INPP4A: variants seen among roughly 807,000 people sequenced by gnomAD.
INPP4A encodes inositol polyphosphate-4-phosphatase type I A, also known as inositol polyphosphate-4-phosphatase, type I, 107kD.
A neutral mutation model predicts 119.8 loss-of-function variants in INPP4A; 33 were observed. That is an observed-to-expected ratio of 0.28 (90% CI 0.21 to 0.37). The LOEUF is 0.37. Among genes scored for constraint, INPP4A ranks in the 10% least tolerant of loss-of-function variants. The probability of loss-of-function intolerance (pLI) is 1.00; values close to 1 mark genes in which losing one functional copy is unlikely to be tolerated. For missense variants in INPP4A, 956 were observed against 1,289.9 expected (o/e 0.74, Z 3.97); for synonymous variants, 496 against 500.7 (o/e 0.99, Z 0.12).
intron 23 of INPP4A, among the ~76,000 whole-genome samples, chr2:98,575,635 C>T (rs1175176948): frequency 2.6e-5 from 4 of 152,148 alleles, no homozygotes; most frequent in East Asian, 1.9e-4. Flanking sequence ...TTTCCCTAGA[C>T]GAGGTTCTTA....
In INPP4A at chr2:98,533,362, G is replaced by T. The variant is rs935705043; in HGVS notation, c.152-15G>T. 7.2e-6 allele frequency: 11 copies of T among 1,538,042 alleles called. No homozygotes were observed. The African/African-American group carries it at 8.2e-5, about 11-fold the overall frequency. ...GTTTTAAAGGATTCATTTCTTTCCCGTGTTGATTCTGTAGCTTGCAGTGAG... is the reference window on the plus strand; with the variant it reads ...GTTTTAAAGGATTCATTTCTTTCCCTTGTTGATTCTGTAGCTTGCAGTGAG... On this transcript the variant is annotated splice_polypyrimidine_tract_variant and intron_variant, in intron 4 of 24. Transcript: ENST00000409851.
At position 98,510,023 on chromosome 2, in the gene INPP4A, G is replaced by A. The variant is rs575027854; in HGVS notation, c.-165-8941G>A. On this transcript the variant is annotated intron_variant, in intron 1 of 24. Coordinates refer to ENST00000409851, the MANE Select transcript of INPP4A (RefSeq NM_001134225.2). The stretch of plus-strand genomic sequence containing the variant: ...GCCACACCAGATAAAAGTCTAAACA[G>A]CAAAGAGGCCAGGGCAGGAGCAGGA... Among the ~76,000 whole-genome samples the A allele has an allele frequency of 6.6e-5, 10 of 152,350 alleles. No individual in the cohort carries two copies. In the South Asian group the frequency reaches 2.1e-3, roughly 32 times the overall value.
intron 1 of INPP4A, among the ~76,000 whole-genome samples, chr2:98,486,888 C>T (rs557856527): frequency 6.6e-6 from 1 of 152,156 alleles, no homozygotes; most frequent in Non-Finnish European, 1.5e-5. Flanking sequence ...AAATGCCAGC[C>T]CACAAATGTG....
intron 1 of INPP4A, among the ~76,000 whole-genome samples, chr2:98,460,115 G>GTGTGTGTGTGTGTGTA (rs1160963911): frequency 6.6e-6 from 1 of 151,984 alleles, no homozygotes; most frequent in Non-Finnish European, 1.5e-5. Context: ...GTGTGTGTGT[G>GTGTGTGTGTGTGTGTA]TGTGTGTGTG....
chr2:98,586,547 T>C (rs1699974236), intron 24 of INPP4A, among the ~76,000 whole-genome samples: 1 of 152,190 alleles, frequency 6.6e-6, no homozygotes, highest in Non-Finnish European at 1.5e-5. Context: ...TTAAAATCAC[T>C]TTTGCTGGTT....
chr2:98,578,292 G>T (rs1228923997), intron 24 of INPP4A, among the ~76,000 whole-genome samples: 2 of 152,186 alleles, frequency 1.3e-5, no homozygotes, highest in Non-Finnish European at 2.9e-5. Context: ...CGGCAGCCAC[G>T]CCTGTGCCCA....
At chr2:98,486,760 C>G (rs1196991063) in intron 1 of INPP4A, among the ~76,000 whole-genome samples, 1 of 152,276 alleles carries the variant, frequency 6.6e-6, no homozygotes, top group Non-Finnish European at 1.5e-5. Context: ...TGATGGTACT[C>G]CTCTCATGGC....
intron 1 of INPP4A, among the ~76,000 whole-genome samples, chr2:98,492,290 C>T (rs963582143): frequency 5.9e-5 from 9 of 152,048 alleles, no homozygotes; most frequent in Admixed American, 3.3e-4. Flanking sequence ...ATCCTAAAGT[C>T]GAAAAATCAT....
intron 17 of INPP4A, 98 bp downstream of exon 17, chr2:98,559,593 A>G: frequency 7.7e-7 from 1 of 1,304,508 alleles, no homozygotes; most frequent in South Asian, 1.3e-5. Context: ...TTATGATCCC[A>G]GAGTTGGGAA....
chr2:98,476,282 G>A (rs923094635), intron 1 of INPP4A, among the ~76,000 whole-genome samples: 3 of 152,236 alleles, frequency 2.0e-5, no homozygotes, highest in East Asian at 1.9e-4. Flanking sequence ...ACAAGCCAGT[G>A]ATAGTTTGAC....
At chr2:98,527,813 G>T (rs1017665894) in intron 4 of INPP4A, among the ~76,000 whole-genome samples, 4 of 152,126 alleles carry the variant, frequency 2.6e-5, no homozygotes, top group African/African-American at 9.7e-5. Flanking sequence ...CACTTCAGTG[G>T]CCACACATGA....
chr2:98,445,071 G>T lies in INPP4A; in HGVS notation c.-180G>T, dbSNP rs1437904740. ...GACAGCGGGGCGGCTGGCGCCGGGGGCCGGGGAGCGCCAGGTAGGTGGGCC... is the reference window on the plus strand; with the variant it reads ...GACAGCGGGGCGGCTGGCGCCGGGGTCCGGGGAGCGCCAGGTAGGTGGGCC... On this transcript the variant is annotated 5_prime_UTR_variant, in exon 1 of 25. Coordinates refer to ENST00000409851, the MANE Select transcript of INPP4A (RefSeq NM_001134225.2). 1.3e-5 allele frequency: 2 copies of T among 149,154 alleles called. No homozygotes were observed. The highest frequency in any genetic ancestry group is 4.9e-5 in the African/African-American group (2 of 41,046). The allele number at this position is 149,154 out of a possible 1,614,324, so 9.2% of individuals were successfully genotyped here. A position where few individuals can be genotyped will look rare whatever the true frequency, so the allele number is the denominator to read the frequency against.
At chr2:98,448,353 CAAAAA>C (rs571844955) in intron 1 of INPP4A, among the ~76,000 whole-genome samples, 18 of 99,744 alleles carry the variant, frequency 1.8e-4, no homozygotes, top group African/African-American at 4.2e-4. Flanking sequence ...GAGACTGTCT[CAAAAA>C]AAAAAAAAAA....
In INPP4A at chr2:98,572,892, A is replaced by G; in HGVS notation, c.2596A>G (p.Asn866Asp). ...FLGQNVHARKNKNVDILWQAA... is the reference protein window; with the variant it reads ...FLGQNVHARKDKNVDILWQAA... Reference sequence around the variant, plus strand: ...GGGTCAGAACGTGCATGCCCGGAAGAATAAGAACGTCGACATTCTCTGGCA... The same window carrying G: ...GGGTCAGAACGTGCATGCCCGGAAGGATAAGAACGTCGACATTCTCTGGCA... Residue 866 changes from asparagine (N) to aspartate (D), a missense_variant, in exon 23 of 25, where the codon AAT (asparagine) becomes GAT (aspartate). Physicochemically the swap from Asn to Asp is conservative, Grantham distance 23. This residue lies in a region of INPP4A where 304 missense variants were observed against 492.1 expected (regional missense o/e 0.62). Transcript: ENST00000409851. The G allele has an allele frequency of 6.3e-7, 1 of 1,579,356 alleles. No individual in the cohort carries two copies. The highest frequency in any genetic ancestry group is 8.6e-7 in the Non-Finnish European group (1 of 1,162,606).
At chr2:98,472,051 G>T (rs1343245180) in intron 1 of INPP4A, among the ~76,000 whole-genome samples, 1 of 152,186 alleles carries the variant, frequency 6.6e-6, no homozygotes, top group East Asian at 1.9e-4. Flanking sequence ...TTTCAGCTGG[G>T]CATTGGTCTG....
At chr2:98,470,194 C>T (rs1301468613) in intron 1 of INPP4A, among the ~76,000 whole-genome samples, 1 of 152,208 alleles carries the variant, frequency 6.6e-6, no homozygotes, top group East Asian at 1.9e-4. Flanking sequence ...CTCCAGTGAG[C>T]CATTGGGAGT....
intron 7 of INPP4A, 104 bp from the exon 8 acceptor site, chr2:98,537,759 C>A: frequency 1.2e-6 from 1 of 818,748 alleles, no homozygotes. Flanking sequence ...CTCGGCCCTG[C>A]TGCCCCCAGG....
intron 1 of INPP4A, among the ~76,000 whole-genome samples, chr2:98,482,990 A>G (rs149401255): frequency 5.2e-4 from 79 of 152,312 alleles, no homozygotes; most frequent in African/African-American, 1.7e-3. Context: ...ATATAATGCA[A>G]ATATTTCAAA....
At chr2:98,563,752 T>G (rs1695920487) in intron 18 of INPP4A, 115 bp downstream of exon 18, 5 of 960,942 alleles carry the variant, frequency 5.2e-6, no homozygotes, top group Non-Finnish European at 7.8e-6. Context: ...ATGGCCATAT[T>G]TCCTCCTGGT....
Sources: allele counts gnomAD v4.1 joint callset (sites outside exome capture counted in the v4.1 genomes callset), GRCh38; gene constraint gnomAD v4.1.1; regional missense constraint gnomAD v4.1.1; transcripts MANE v1.5; gene names NCBI Gene and HGNC (gene_info 2026-07-23, HGNC 2026-07-21).